SOX6: variants seen among roughly 807,000 people sequenced by gnomAD.
SOX6 encodes transcription factor SOX-6.
In SOX6, 11 loss-of-function variants were observed where a neutral mutation model predicts 97.8. The observed-to-expected ratio is 0.11, with a 90% CI of 0.07 to 0.19. The LOEUF (loss-of-function observed/expected upper bound fraction) is 0.19. SOX6 is among the 10% of genes least tolerant of loss of function. The probability of loss-of-function intolerance (pLI) is 1.00; values close to 1 mark genes in which losing one functional copy is unlikely to be tolerated. For missense variants in SOX6, 810 were observed against 1,039.5 expected (o/e 0.78, Z 3.04); for synonymous variants, 360 against 371.4 (o/e 0.97, Z 0.35).
At chr11:16,614,180 A>G (rs1384619873) in intron 3 of SOX6, among the ~76,000 whole-genome samples, 1 of 152,204 alleles carries the variant, frequency 6.6e-6, no homozygotes, top group Non-Finnish European at 1.5e-5. Flanking sequence ...GGGTGGGGGC[A>G]GCTTCGAAGA....
chr11:16,096,039 A>C lies in SOX6; in HGVS notation c.1058T>G (p.Phe353Cys). ...SDRFGRNLDT[F>C]EHGGGHSYNH... Reference sequence around the variant, plus strand: ...GTAAGAGTGGCCACCACCATGTTCAAAGGTGTCCAAATTCCTGCCAAAACG... The same window carrying C: ...GTAAGAGTGGCCACCACCATGTTCACAGGTGTCCAAATTCCTGCCAAAACG... Residue 353 changes from phenylalanine (F) to cysteine (C), a missense_variant, in exon 9 of 16, where the codon TTT (phenylalanine) becomes TGT (cysteine). This residue lies in a region of SOX6 where 244 missense variants were observed against 261.0 expected (regional missense o/e 0.93). Coordinates refer to ENST00000683767, the MANE Select transcript of SOX6 (RefSeq NM_001367873.1). The C allele has an allele frequency of 6.2e-7, 1 of 1,611,786 alleles. No individual in the cohort carries two copies. The highest frequency in any genetic ancestry group is 8.5e-7 in the Non-Finnish European group (1 of 1,178,556).
chr11:16,014,862 A>C, intron 13 of SOX6, 80 bp downstream of exon 13: 1 of 1,345,140 alleles, frequency 7.4e-7, no homozygotes, highest in Non-Finnish European at 1.1e-6. Context: ...ATGAAAAACT[A>C]TAAAGATCCT....
intron 4 of SOX6, among the ~76,000 whole-genome samples, chr11:16,212,307 C>G (rs1278437125): frequency 4.6e-5 from 7 of 152,010 alleles, no homozygotes; most frequent in Non-Finnish European, 1.0e-4. Flanking sequence ...ATTTAATCCA[C>G]TAAATTTAGT....
intron 12 of SOX6, among the ~76,000 whole-genome samples, chr11:16,034,516 C>T (rs1301358214): frequency 6.6e-6 from 1 of 152,078 alleles, no homozygotes; most frequent in Non-Finnish European, 1.5e-5. Context: ...TTTTTGACAA[C>T]CAGATTTAAG....
chr11:16,690,395 A>G (rs1022079418), intron 3 of SOX6, among the ~76,000 whole-genome samples: 3 of 152,188 alleles, frequency 2.0e-5, no homozygotes, highest in Non-Finnish European at 4.4e-5. Flanking sequence ...CATCGGTTTT[A>G]TAGAACCCAT....
chr11:16,729,377 T>G (rs758628338), intron 2 of SOX6, among the ~76,000 whole-genome samples: 14 of 152,050 alleles, frequency 9.2e-5, no homozygotes, highest in Non-Finnish European at 1.9e-4. Context: ...TAACAGCAGA[T>G]CTCTCTGCAG....
At chr11:16,334,919 T>C (rs1265560667) in intron 2 of SOX6, among the ~76,000 whole-genome samples, 1 of 152,130 alleles carries the variant, frequency 6.6e-6, no homozygotes, top group Non-Finnish European at 1.5e-5. Flanking sequence ...AATTTAGATT[T>C]GGGGAACTTT....
chr11:16,658,064 G>A (rs1268272534), intron 3 of SOX6, among the ~76,000 whole-genome samples: 1 of 152,086 alleles, frequency 6.6e-6, no homozygotes, highest in African/African-American at 2.4e-5. Flanking sequence ...AAGTATTAAA[G>A]ATAATGCCGA....
intron 1 of SOX6, among the ~76,000 whole-genome samples, chr11:16,390,374 CT>C (rs778148416): frequency 5.3e-5 from 8 of 152,124 alleles, no homozygotes; most frequent in Non-Finnish European, 1.2e-4. Flanking sequence ...AAGATTTAGT[CT>C]GTTTCAAGTT....
At chr11:16,133,008 T>C (rs537830977) in intron 6 of SOX6, among the ~76,000 whole-genome samples, 2 of 152,198 alleles carry the variant, frequency 1.3e-5, no homozygotes, top group South Asian at 4.1e-4. Flanking sequence ...GGCCCTGGAA[T>C]AAGAGAATTG....
At chr11:16,396,000 G>T (rs900420344) in intron 1 of SOX6, among the ~76,000 whole-genome samples, 1 of 151,176 alleles carries the variant, frequency 6.6e-6, no homozygotes, top group African/African-American at 2.4e-5. Flanking sequence ...TCTTTCTCAG[G>T]CTCATATCAA....
chr11:16,079,041 A>G (rs1228362849), intron 9 of SOX6, among the ~76,000 whole-genome samples: 2 of 152,154 alleles, frequency 1.3e-5, no homozygotes, highest in Non-Finnish European at 2.9e-5. Context: ...CTGAGTTTCT[A>G]CGAAACACCA....
intron 4 of SOX6, among the ~76,000 whole-genome samples, chr11:16,506,851 G>T (rs1293897702): frequency 6.6e-6 from 1 of 152,098 alleles, no homozygotes; most frequent in Non-Finnish European, 1.5e-5. Flanking sequence ...ATCACTTGAG[G>T]TCAGGAGTTC....
intron 4 of SOX6, among the ~76,000 whole-genome samples, chr11:16,549,626 T>A (rs894369358): frequency 6.6e-6 from 1 of 152,040 alleles, no homozygotes; most frequent in African/African-American, 2.4e-5. Flanking sequence ...AAAACATATG[T>A]CCACACAAAG....
At chr11:16,681,912 G>C (rs978314870) in intron 3 of SOX6, among the ~76,000 whole-genome samples, 1 of 152,162 alleles carries the variant, frequency 6.6e-6, no homozygotes, top group African/African-American at 2.4e-5. Context: ...ACTAAACCAG[G>C]AAGAAGTTGA....
chr11:16,419,705 G>A (rs185299408), intron 1 of SOX6, among the ~76,000 whole-genome samples: 5 of 151,986 alleles, frequency 3.3e-5, no homozygotes, highest in African/African-American at 9.6e-5. Flanking sequence ...TAATATAGCC[G>A]GATTTTTCCT....
chr11:16,510,238 T>C (rs1256513531), intron 4 of SOX6, among the ~76,000 whole-genome samples: 4 of 152,124 alleles, frequency 2.6e-5, no homozygotes, highest in Admixed American at 6.6e-5. Flanking sequence ...AGCTCCTGAA[T>C]TTACATTTAA....
chr11:16,102,253 C>G (rs889960493), intron 7 of SOX6, among the ~76,000 whole-genome samples: 2 of 151,814 alleles, frequency 1.3e-5, no homozygotes, highest in African/African-American at 4.8e-5. Flanking sequence ...AGCTGAGAAT[C>G]AAATCAAGAA....
At chr11:16,431,029 A>G (rs535747964) in intron 1 of SOX6, among the ~76,000 whole-genome samples, 2 of 152,108 alleles carry the variant, frequency 1.3e-5, no homozygotes, top group African/African-American at 4.8e-5. Context: ...AAGTTCATCA[A>G]GTTCACTCCT....
Sources: allele counts gnomAD v4.1 joint callset (sites outside exome capture counted in the v4.1 genomes callset), GRCh38; gene constraint gnomAD v4.1.1; regional missense constraint gnomAD v4.1.1; transcripts MANE v1.5; gene names NCBI Gene and HGNC (gene_info 2026-07-23, HGNC 2026-07-21).